The following GALNT14 variants were observed in gnomAD, a reference collection of about 807,000 sequenced individuals.
GALNT14 encodes polypeptide N-acetylgalactosaminyltransferase 14, also known as UDP-GalNAc:polypeptide N-acetylgalactosaminyltransferase 14.
In GALNT14, 60 loss-of-function variants were observed where a neutral mutation model predicts 77.5. The observed-to-expected ratio is 0.77, with a 90% confidence interval of 0.63 to 0.96. GALNT14 has a LOEUF of 0.96. Ranked by LOEUF, GALNT14 falls within the 40% of genes least tolerant of loss-of-function variation. The pLI, the probability that GALNT14 is intolerant of heterozygous loss-of-function variation, is 0.00. For synonymous variants in GALNT14, 280 were observed against 281.7 expected, an observed-to-expected ratio of 0.99 and a Z score of 0.06; for missense variants, 710 against 731.0, an observed-to-expected ratio of 0.97 and a Z score of 0.33.
intron 1 of GALNT14, among the ~76,000 whole-genome samples, chr2:31,006,165 G>A (rs889171210): frequency 1.2e-4 from 18 of 152,170 alleles, no homozygotes; most frequent in African/African-American, 4.1e-4. Context: ...ACACTCACGA[G>A]GAATGTGTTT....
chr2:30,918,193 T>A (rs116791019), intron 13 of GALNT14, among the ~76,000 whole-genome samples: 1 of 152,204 alleles, frequency 6.6e-6, no homozygotes, highest in African/African-American at 2.4e-5. Flanking sequence ...TTTCCTCCCA[T>A]GTGGCAAGAT....
chr2:31,123,615 C>G (rs1235980339), intron 1 of GALNT14, among the ~76,000 whole-genome samples: 2 of 152,182 alleles, frequency 1.3e-5, no homozygotes, highest in African/African-American at 2.4e-5. Context: ...AATCCTTCTT[C>G]TTCTAATAAG....
intron 1 of GALNT14, among the ~76,000 whole-genome samples, chr2:30,998,868 G>A (rs1218845476): frequency 6.6e-6 from 1 of 152,162 alleles, no homozygotes; most frequent in Non-Finnish European, 1.5e-5. Context: ...CTCACTATCT[G>A]TGCATTTCCT....
At chr2:31,093,482 G>A (rs531904813) in intron 1 of GALNT14, among the ~76,000 whole-genome samples, 24 of 152,308 alleles carry the variant, frequency 1.6e-4, no homozygotes, top group African/African-American at 5.8e-4. Context: ...GGAATCTAAG[G>A]TTCTATTAGC....
chr2:31,003,567 C>G (rs1670490528), intron 1 of GALNT14, among the ~76,000 whole-genome samples: 1 of 152,188 alleles, frequency 6.6e-6, no homozygotes, highest in Non-Finnish European at 1.5e-5. Context: ...CATTTAGTCT[C>G]TGACAACAAA....
intron 1 of GALNT14, among the ~76,000 whole-genome samples, chr2:31,010,235 G>A (rs1312936850): frequency 2.0e-5 from 3 of 152,140 alleles, no homozygotes; most frequent in Non-Finnish European, 4.4e-5. Flanking sequence ...TGATCCACCT[G>A]CCTCAGCCTC....
At chr2:30,895,205 A>G in the GALNT14 span, among the ~76,000 whole-genome samples, 1 of 152,176 alleles carries the variant, frequency 6.6e-6, no homozygotes, top group South Asian at 2.1e-4. Flanking sequence ...AGCACCTTTG[A>G]GAGCCAGACC....
At chr2:31,021,134 T>C (rs1031128395) in intron 1 of GALNT14, among the ~76,000 whole-genome samples, 2 of 152,080 alleles carry the variant, frequency 1.3e-5, no homozygotes, top group Non-Finnish European at 2.9e-5. Flanking sequence ...CAGCAGGTGC[T>C]GCACAGATGG....
intron 1 of GALNT14, among the ~76,000 whole-genome samples, chr2:31,061,190 C>T (rs1473148166): frequency 6.6e-6 from 1 of 152,106 alleles, no homozygotes; most frequent in African/African-American, 2.4e-5. Context: ...TCATCTACAA[C>T]CTCATCTCCA....
chr2:30,961,679 A>G (rs1667698410), intron 3 of GALNT14, among the ~76,000 whole-genome samples: 1 of 149,660 alleles, frequency 6.7e-6, no homozygotes, highest in Non-Finnish European at 1.5e-5. Context: ...ACTGGGTTAG[A>G]CTTTCTTTTT....
intron 9 of GALNT14, among the ~76,000 whole-genome samples, chr2:30,940,116 CT>C (rs2148275430): frequency 6.6e-6 from 1 of 152,024 alleles, no homozygotes; most frequent in African/African-American, 2.4e-5. Context: ...GTTGGCAGTG[CT>C]TTTTTTGTGG....
intron 1 of GALNT14, among the ~76,000 whole-genome samples, chr2:31,097,788 T>A (rs1159308564): frequency 2.0e-5 from 3 of 152,120 alleles, no homozygotes; most frequent in African/African-American, 7.2e-5. Flanking sequence ...AGAGCAAGAC[T>A]GTACTGACTG....
intron 1 of GALNT14, among the ~76,000 whole-genome samples, chr2:31,093,976 T>G (rs1676880443): frequency 6.6e-6 from 1 of 152,310 alleles, no homozygotes; most frequent in South Asian, 2.1e-4. Context: ...AGATCTACCC[T>G]AGCTCCAAGC....
intron 1 of GALNT14, among the ~76,000 whole-genome samples, chr2:31,006,632 G>C (rs2148431478): frequency 6.6e-6 from 1 of 152,318 alleles, no homozygotes; most frequent in South Asian, 2.1e-4. Flanking sequence ...ACCAGTGCCT[G>C]TCTGGAGATA....
At chr2:30,997,644 A>G (rs1558478823) in intron 1 of GALNT14, among the ~76,000 whole-genome samples, 2 of 152,212 alleles carry the variant, frequency 1.3e-5, no homozygotes, top group Non-Finnish European at 2.9e-5. Flanking sequence ...TGTGTTTCAA[A>G]AGTATGATGC....
rs72853895 is a variant in GALNT14, at chr2:30,945,466, C to A, written c.742+317G>T. ...ATCACGTCTCTAGGAGAGGGTGGTG[C>A]CCACTGCTGGCATCAGAACAATGCA... is the stretch of plus-strand genomic sequence containing the variant. On this transcript the variant is annotated intron_variant, in intron 7 of 14. Coordinates refer to ENST00000349752, the MANE Select transcript of GALNT14 (RefSeq NM_024572.4). Among the ~76,000 whole-genome samples, 913 of 152,294 alleles carry A rather than the reference C, an allele frequency of 6.0e-3. 11 individuals are homozygous for A. Among genetic ancestry groups the A allele is most frequent in the African/African-American group, 0.021 (877 of 41,554 alleles).
At chr2:31,017,274 T>C (rs1251826661) in intron 1 of GALNT14, among the ~76,000 whole-genome samples, 3 of 152,236 alleles carry the variant, frequency 2.0e-5, no homozygotes, top group African/African-American at 7.2e-5. Flanking sequence ...TCAGGCCTGC[T>C]AGCAGTGACT....
intron 1 of GALNT14, among the ~76,000 whole-genome samples, chr2:31,009,599 C>A (rs140731303): frequency 1.3e-5 from 2 of 152,132 alleles, no homozygotes; most frequent in African/African-American, 2.4e-5. Flanking sequence ...ATCAAAAAAA[C>A]GCCTACTGGA....
intron 1 of GALNT14, among the ~76,000 whole-genome samples, chr2:31,057,801 C>G (rs548617657): frequency 6.6e-6 from 1 of 152,276 alleles, no homozygotes; most frequent in African/African-American, 2.4e-5. Context: ...CGCCCTGAGC[C>G]TGGGAAGCTG....
Sources: gnomAD v4.1 joint callset for allele counts (sites outside exome capture counted in the v4.1 genomes callset) on GRCh38, gnomAD v4.1.1 for gene constraint, MANE v1.5 for transcripts, NCBI Gene and HGNC (gene_info 2026-07-23, HGNC 2026-07-21) for gene names.